TMPRSS15: variants seen among roughly 807,000 people sequenced by gnomAD.
TMPRSS15 encodes transmembrane serine protease 15.
In TMPRSS15, 128 loss-of-function variants were observed where a neutral mutation model predicts 125.3. The observed-to-expected ratio is 1.02, with a 90% confidence interval of 0.89 to 1.18. TMPRSS15 has a LOEUF of 1.18. TMPRSS15 is among the 50% of genes most tolerant of loss of function. The probability of loss-of-function intolerance (pLI) is 0.00; values close to 1 mark genes in which losing one functional copy is unlikely to be tolerated. For missense variants in TMPRSS15, 1,283 were observed against 1,212.7 expected, an observed-to-expected ratio of 1.06 and a Z score of -0.86; for synonymous variants, 446 against 423.2, an observed-to-expected ratio of 1.05 and a Z score of -0.66.
At chr21:18,333,391 A>G (rs1261710194) in intron 13 of TMPRSS15, among the ~76,000 whole-genome samples, 1 of 152,206 alleles carries the variant, frequency 6.6e-6, no homozygotes, top group Non-Finnish European at 1.5e-5. Context: ...TTTTTTTGTC[A>G]AATATCTTTT....
At chr21:18,297,697 A>G (rs1193163392) in intron 19 of TMPRSS15, 37 bp downstream of exon 19, 2 of 1,464,196 alleles carry the variant, frequency 1.4e-6, no homozygotes, top group East Asian at 2.3e-5. Flanking sequence ...TGCCATGTCT[A>G]TGTACAACTA....
intron 13 of TMPRSS15, among the ~76,000 whole-genome samples, chr21:18,336,321 C>T (rs1372396051): frequency 1.3e-5 from 2 of 151,982 alleles, no homozygotes; most frequent in East Asian, 1.9e-4. Context: ...GAAATAATAC[C>T]TCCTATTGAT....
intron 22 of TMPRSS15, 80 bp downstream of exon 22, chr21:18,280,960 T>A: frequency 7.1e-7 from 1 of 1,417,782 alleles, no homozygotes; most frequent in Non-Finnish European, 9.9e-7. Flanking sequence ...AATTAATGCA[T>A]TGACATTGAT....
chr21:18,408,467 C>A (rs1243265658), upstream of TMPRSS15, among the ~76,000 whole-genome samples: 1 of 152,080 alleles, frequency 6.6e-6, no homozygotes, highest in African/African-American at 2.4e-5. Flanking sequence ...TCAGAGACTT[C>A]TTTTTTCTCC....
At position 18,293,150 on chromosome 21, in the gene TMPRSS15, CTT is replaced by C. The variant is rs1485861861; in HGVS notation, c.2486+1118_2486+1119del. 5.3e-5 allele frequency among the ~76,000 whole-genome samples: 8 copies of C among 152,292 alleles called. No individual in the cohort carries two copies. The East Asian group carries it at 1.4e-3, about 26-fold the overall frequency. On this transcript the variant is annotated intron_variant, in intron 21 of 24. Transcript: ENST00000284885. ...ATGGGTATTTAGGCATAAGTGCAAT[CTT>C]TTAATGTTCATTCTACCTGGCATTC... is the stretch of plus-strand genomic sequence containing the variant.
chr21:18,465,793 T>C (rs1978648156), intron 1 of TMPRSS15, among the ~76,000 whole-genome samples: 1 of 152,184 alleles, frequency 6.6e-6, no homozygotes, highest in Non-Finnish European at 1.5e-5. Context: ...CCTTCTATGC[T>C]CATGGATAGG....
At chr21:18,380,161 G>T (rs1362826695) in intron 4 of TMPRSS15, among the ~76,000 whole-genome samples, 1 of 128,414 alleles carries the variant, frequency 7.8e-6, no homozygotes, top group East Asian at 2.2e-4. Flanking sequence ...GCCGTTTATG[G>T]AGATGTCACA....
At chr21:18,329,988 T>C (rs2075328987) in intron 14 of TMPRSS15, among the ~76,000 whole-genome samples, 1 of 152,288 alleles carries the variant, frequency 6.6e-6, no homozygotes. Context: ...ACTTATTTAC[T>C]GTATATGGCT....
chr21:18,417,169 A>G (rs1262372576), intron 1 of TMPRSS15, among the ~76,000 whole-genome samples: 1 of 152,056 alleles, frequency 6.6e-6, no homozygotes, highest in Non-Finnish European at 1.5e-5. Flanking sequence ...TGTATAACCT[A>G]ATCATTATTT....
chr21:18,299,467 G>A (rs1009103305), intron 18 of TMPRSS15, among the ~76,000 whole-genome samples: 2 of 152,186 alleles, frequency 1.3e-5, no homozygotes, highest in African/African-American at 4.8e-5. Flanking sequence ...ATCAAGGGAT[G>A]CCATTTCAAA....
At position 18,275,214 on chromosome 21, in the gene TMPRSS15, C is replaced by T; in HGVS notation, c.2887G>A (p.Gly963Arg). The T allele has an allele frequency of 6.2e-7, 1 of 1,613,996 alleles. No homozygotes were observed. The highest frequency in any genetic ancestry group is 1.1e-5 in the South Asian group (1 of 91,082). The change falls in exon 24 of 25, where the codon GGA becomes AGA. Residue 963 changes from glycine to arginine, a missense_variant. By Grantham distance (125) the Gly-to-Arg change is moderately radical. Coordinates refer to ENST00000284885, the MANE Select transcript of TMPRSS15 (RefSeq NM_002772.3). Reference protein sequence around the residue: ...NMICAGYEEGGIDSCQGDSGG... With the variant: ...NMICAGYEEGRIDSCQGDSGG... ...ATCTTTACCTGACAAGAATCTATTC[C>T]TCCTTCTTCATAGCCTGCACATATC...
intron 1 of TMPRSS15, among the ~76,000 whole-genome samples, chr21:18,436,111 T>C (rs945452514): frequency 3.3e-5 from 5 of 151,404 alleles, no homozygotes; most frequent in African/African-American, 1.2e-4. Flanking sequence ...TTTTGAAGGG[T>C]TTTTTGTGTC....
chr21:18,454,109 A>G (rs1978393105), intron 1 of TMPRSS15, among the ~76,000 whole-genome samples: 1 of 152,320 alleles, frequency 6.6e-6, no homozygotes, highest in East Asian at 1.9e-4. Context: ...TTTTACAACA[A>G]TGGAGACAAT....
intron 16 of TMPRSS15, among the ~76,000 whole-genome samples, chr21:18,318,183 G>A (rs2075193887): frequency 6.6e-6 from 1 of 152,192 alleles, no homozygotes. Context: ...TGCCTGGCAG[G>A]GAAGCCCGGC....
chr21:18,465,522 G>A (rs2122955568), intron 1 of TMPRSS15, among the ~76,000 whole-genome samples: 22 of 152,018 alleles, frequency 1.4e-4, no homozygotes, highest in Non-Finnish European at 2.4e-4. Context: ...CCATTGTCTC[G>A]GCCTAAAATC....
At chr21:18,361,956 G>T (rs1457516222) in intron 7 of TMPRSS15, among the ~76,000 whole-genome samples, 1 of 151,990 alleles carries the variant, frequency 6.6e-6, no homozygotes, top group Non-Finnish European at 1.5e-5. Flanking sequence ...GTTCCAGAGT[G>T]TATTTTGGAA....
chr21:18,355,167 G>A (rs2075612455), intron 8 of TMPRSS15, among the ~76,000 whole-genome samples: 1 of 151,866 alleles, frequency 6.6e-6, no homozygotes, highest in Non-Finnish European at 1.5e-5. Context: ...AACCTTTGGA[G>A]TTCATAAGTG....
intron 16 of TMPRSS15, among the ~76,000 whole-genome samples, chr21:18,321,988 A>T (rs983968085): frequency 4.6e-5 from 7 of 152,202 alleles, no homozygotes; most frequent in Non-Finnish European, 8.8e-5. Context: ...TTCCCTTAAA[A>T]ATAACTTCAT....
chr21:18,437,624 T>C (rs951587882), intron 1 of TMPRSS15, among the ~76,000 whole-genome samples: 11 of 151,876 alleles, frequency 7.2e-5, no homozygotes, highest in Non-Finnish European at 1.3e-4. Context: ...CAAACAAATT[T>C]ACAAGAAAAA....
Sources: allele counts gnomAD v4.1 joint callset (sites outside exome capture counted in the v4.1 genomes callset), GRCh38; gene constraint gnomAD v4.1.1; transcripts MANE v1.5; gene names NCBI Gene and HGNC (gene_info 2026-07-23, HGNC 2026-07-21).